Variants in SHISAL1 observed in about 807,000 individuals in gnomAD.
The protein encoded by SHISAL1 is protein shisa-like-1.
A neutral mutation model predicts 22.6 loss-of-function variants in SHISAL1; 9 were observed. The ratio of observed to expected loss-of-function variants is 0.40; its 90% CI spans 0.24 to 0.70. The LOEUF (loss-of-function observed/expected upper bound fraction) is 0.70. SHISAL1 is among the 30% of genes least tolerant of loss of function. SHISAL1 has a pLI of 0.39. For missense variants in SHISAL1, 246 were observed against 270.6 expected (o/e 0.91, Z 0.64); for synonymous variants, 119 against 115.4 (o/e 1.03, Z -0.20).
At chr22:44,274,881 G>A (rs533688116) in intron 4 of SHISAL1, among the ~76,000 whole-genome samples, 30 of 152,276 alleles carry the variant, frequency 2.0e-4, no homozygotes, top group African/African-American at 6.3e-4. Flanking sequence ...ATCTGCCATG[G>A]GCCGGGCTCT....
At chr22:44,260,671 C>T (rs1467797718) in intron 4 of SHISAL1, among the ~76,000 whole-genome samples, 1 of 152,240 alleles carries the variant, frequency 6.6e-6, no homozygotes, top group African/African-American at 2.4e-5. Flanking sequence ...CAAACGCTTG[C>T]CTGTAGGCCA....
intron 4 of SHISAL1, among the ~76,000 whole-genome samples, chr22:44,274,650 G>T (rs937403138): frequency 6.6e-6 from 1 of 152,212 alleles, no homozygotes; most frequent in African/African-American, 2.4e-5. Flanking sequence ...ATTTAGAAAG[G>T]TCGGGTAAAA....
intron 1 of SHISAL1, among the ~76,000 whole-genome samples, chr22:44,311,214 G>C (rs541567234): frequency 4.6e-5 from 7 of 152,280 alleles, no homozygotes; most frequent in Admixed American, 3.3e-4. Flanking sequence ...GGCCCTCACT[G>C]TCTCCCTACC....
intron 3 of SHISAL1, among the ~76,000 whole-genome samples, chr22:44,288,326 G>A (rs181805286): frequency 2.0e-5 from 3 of 152,308 alleles, no homozygotes; most frequent in East Asian, 3.9e-4. Flanking sequence ...GCGGCCACCC[G>A]GGTTCTCAGG....
At chr22:44,275,458 G>A (rs2055233358) in intron 4 of SHISAL1, among the ~76,000 whole-genome samples, 1 of 152,226 alleles carries the variant, frequency 6.6e-6, no homozygotes, top group African/African-American at 2.4e-5. Context: ...TTGTTTCACT[G>A]ACACCTGTGG....
the SHISAL1 span, among the ~76,000 whole-genome samples, chr22:44,329,440 GAC>G: frequency 1.3e-3 from 189 of 144,670 alleles, 1 homozygote; most frequent in South Asian, 3.4e-3. Flanking sequence ...GCGAGAATGG[GAC>G]ACACACACAC....
chr22:44,298,765 G>A (rs12159864), intron 2 of SHISAL1, among the ~76,000 whole-genome samples: 1 of 152,182 alleles, frequency 6.6e-6, no homozygotes, highest in Non-Finnish European at 1.5e-5. Context: ...TGCAGAGATG[G>A]GGGGCCGGGG....
chr22:44,305,954 T>C (rs1042082177), intron 1 of SHISAL1, among the ~76,000 whole-genome samples: 6 of 152,238 alleles, frequency 3.9e-5, no homozygotes, highest in African/African-American at 1.4e-4. Context: ...AGCTGAAAGC[T>C]GAATCCTCAG....
chr22:44,309,327 G>A (rs933314273), intron 1 of SHISAL1, among the ~76,000 whole-genome samples: 1 of 152,202 alleles, frequency 6.6e-6, no homozygotes, highest in Non-Finnish European at 1.5e-5. Flanking sequence ...AGCAGTGGTA[G>A]CATTAGCACG....
intron 4 of SHISAL1, among the ~76,000 whole-genome samples, chr22:44,281,590 C>T (rs2055277239): frequency 1.3e-5 from 2 of 152,186 alleles, no homozygotes; most frequent in South Asian, 2.1e-4. Context: ...GCGAAGGAGA[C>T]ACCGTTAGGT....
At chr22:44,306,252 C>T (rs2055470643) in intron 1 of SHISAL1, among the ~76,000 whole-genome samples, 1 of 152,214 alleles carries the variant, frequency 6.6e-6, no homozygotes, top group Non-Finnish European at 1.5e-5. Context: ...GGGAACTGAG[C>T]TCAAGGAGCT....
chr22:44,257,548 T>A (rs2055093039), intron 4 of SHISAL1, among the ~76,000 whole-genome samples: 1 of 152,236 alleles, frequency 6.6e-6, no homozygotes. Flanking sequence ...TTTCTGTACT[T>A]TCCACTCAAT....
rs2055007757 is a variant in SHISAL1, at chr22:44,247,090, T to G, written c.*2595A>C. Reference sequence around the variant, plus strand: ...TGCTTAGGTGAACCCCAGTTCTAGCTGTCTATTTGGCAGTGACCTTTGACC... The same window carrying G: ...TGCTTAGGTGAACCCCAGTTCTAGCGGTCTATTTGGCAGTGACCTTTGACC... On this transcript the variant is annotated 3_prime_UTR_variant, in exon 5 of 5. Transcript: ENST00000381176. 6.6e-6 allele frequency: 1 copy of G among 151,158 alleles called. No individual in the cohort carries two copies. The highest frequency in any genetic ancestry group is 1.5e-5 in the Non-Finnish European group (1 of 68,066). The allele number at this position is 151,158 out of a possible 1,614,324, so 9.4% of individuals were successfully genotyped here.
chr22:44,269,614 C>A lies in SHISAL1; in HGVS notation c.599+15814G>T, dbSNP rs113342489. 9.1e-4 allele frequency among the ~76,000 whole-genome samples: 138 copies of A among 151,268 alleles called. 2 individuals are homozygous for A. The highest frequency in any genetic ancestry group is 3.1e-3 in the African/African-American group (128 of 40,938). The stretch of plus-strand genomic sequence containing the variant: ...CATACACACACACACGCCACACAGA[C>A]CCACACAATATACACACACATGCCA... On this transcript the variant is annotated intron_variant, in intron 4 of 4. Transcript: ENST00000381176.
Position 44,274,674 on chromosome 22 carries a change from G to A in SHISAL1, c.599+10754C>T, listed in dbSNP as rs139279928. ...GGTCGGGTAAAATCGCAGGGTCATC[G>A]CTGATTCAATAGGAGAACAAAATCA... On this transcript the variant is annotated intron_variant, in intron 4 of 4. Transcript: ENST00000381176. Among the ~76,000 whole-genome samples, 288 of 152,316 alleles carry A rather than the reference G, an allele frequency of 1.9e-3. 2 individuals are homozygous for A. In the East Asian group the frequency reaches 0.026, roughly 14 times the overall value.
rs145745539 is a variant in SHISAL1, at chr22:44,271,949, C to T, written c.599+13479G>A. Among the ~76,000 whole-genome samples the T allele has an allele frequency of 5.3e-3, 804 of 152,340 alleles. 9 individuals are homozygous for T. Among genetic ancestry groups the T allele is most frequent in the African/African-American group, 0.018 (764 of 41,568 alleles). Reference sequence around the variant, plus strand: ...GAAGTGTCCTTTTGTTAATTACTCACGCAAGCTGGCATCTTTGTTTGCACA... The same window carrying T: ...GAAGTGTCCTTTTGTTAATTACTCATGCAAGCTGGCATCTTTGTTTGCACA... On this transcript the variant is annotated intron_variant, in intron 4 of 4. Coordinates refer to ENST00000381176, the MANE Select transcript of SHISAL1 (RefSeq NM_001099294.2).
chr22:44,260,748 C>T (rs1343807487), intron 4 of SHISAL1, among the ~76,000 whole-genome samples: 1 of 152,196 alleles, frequency 6.6e-6, no homozygotes, highest in African/African-American at 2.4e-5. Flanking sequence ...TGCCCCTCCT[C>T]ACTCCTTTTT....
upstream of SHISAL1, among the ~76,000 whole-genome samples, chr22:44,317,146 C>T (rs1320002060): frequency 6.6e-6 from 1 of 152,198 alleles, no homozygotes; most frequent in Non-Finnish European, 1.5e-5. Flanking sequence ...GGACCAGTTC[C>T]ACTTCTGGGG....
intron 4 of SHISAL1, among the ~76,000 whole-genome samples, chr22:44,284,243 A>G (rs2055295789): frequency 6.6e-6 from 1 of 151,604 alleles, no homozygotes; most frequent in South Asian, 2.1e-4. Context: ...TCCAAAGAGG[A>G]GGCAGCAAGG....
Sources: allele counts gnomAD v4.1 joint callset (sites outside exome capture counted in the v4.1 genomes callset), GRCh38; gene constraint gnomAD v4.1.1; transcripts MANE v1.5; gene names NCBI Gene and HGNC (gene_info 2026-07-23, HGNC 2026-07-21).